The following NRG3 variants were observed in gnomAD, a reference collection of about 807,000 sequenced individuals.
NRG3 encodes neuregulin 3.
A neutral mutation model predicts 66.9 loss-of-function variants in NRG3; 31 were observed. The observed-to-expected ratio is 0.46, with a 90% CI of 0.35 to 0.63. The LOEUF is 0.63. Ranked by LOEUF, NRG3 falls within the 20% of genes least tolerant of loss-of-function variation. The pLI is 0.00. For synonymous variants in NRG3, 393 were observed against 359.4 expected (o/e 1.09, Z -1.06); for missense variants, 910 against 878.9 (o/e 1.04, Z -0.45).
chr10:82,247,969 A>T (rs923089153), intron 1 of NRG3, among the ~76,000 whole-genome samples: 3 of 152,216 alleles, frequency 2.0e-5, no homozygotes, highest in Admixed American at 6.5e-5. Context: ...TAGCAAAGGT[A>T]TCATTTACTT....
intron 3 of NRG3, among the ~76,000 whole-genome samples, chr10:82,801,506 C>G (rs972814679): frequency 2.6e-5 from 4 of 152,132 alleles, no homozygotes; most frequent in Non-Finnish European, 5.9e-5. Context: ...TGAATTACAG[C>G]CATCAAGCTG....
At chr10:82,868,146 C>T (rs185300158) in intron 4 of NRG3, among the ~76,000 whole-genome samples, 17 of 152,206 alleles carry the variant, frequency 1.1e-4, no homozygotes, top group East Asian at 7.7e-4. Flanking sequence ...AATTTTAATC[C>T]GTGTTGAAAG....
intron 3 of NRG3, among the ~76,000 whole-genome samples, chr10:82,792,006 G>A (rs2060607569): frequency 1.3e-5 from 2 of 152,300 alleles, no homozygotes; most frequent in South Asian, 4.1e-4. Context: ...CAGAGCTGGG[G>A]AAAGGGGGAT....
Position 82,707,846 on chromosome 10 carries a change from T to TAAAAAAAA in NRG3, c.954-30712_954-30705dup, listed in dbSNP as rs373670610. On this transcript the variant is annotated intron_variant, in intron 2 of 8. Coordinates refer to ENST00000372141, the MANE Select transcript of NRG3 (RefSeq NM_001010848.4). Reference sequence around the variant, plus strand: ...CAACATGGTGAAACATCATCTCTACTAAAAAAAAAAAAAAAAAAAAAAAAA... The same window carrying TAAAAAAAA: ...CAACATGGTGAAACATCATCTCTACTAAAAAAAAAAAAAAAAAAAAAAAAAAAAAAAAA... 1.5e-4 allele frequency among the ~76,000 whole-genome samples: 12 copies of TAAAAAAAA among 82,652 alleles called. 1 individual carries two copies. The highest frequency in any genetic ancestry group is 2.2e-4 in the Non-Finnish European group (10 of 45,786). 54.2% of individuals were successfully genotyped at this position (82,652 alleles called of 152,430 possible).
intron 1 of NRG3, among the ~76,000 whole-genome samples, chr10:82,244,096 A>T (rs950892681): frequency 6.6e-6 from 1 of 152,208 alleles, no homozygotes; most frequent in African/African-American, 2.4e-5. Flanking sequence ...TGTTCTTTTC[A>T]TCATCAACAG....
chr10:82,456,015 A>G (rs774073319), intron 2 of NRG3, among the ~76,000 whole-genome samples: 3 of 152,102 alleles, frequency 2.0e-5, no homozygotes, highest in Non-Finnish European at 4.4e-5. Flanking sequence ...AAATTGTTTC[A>G]CTTTTTGCCT....
chr10:82,040,094 A>G (rs1054370989), intron 1 of NRG3, among the ~76,000 whole-genome samples: 1 of 152,112 alleles, frequency 6.6e-6, no homozygotes, highest in African/African-American at 2.4e-5. Context: ...TGCACTATGG[A>G]AATAAAAGTT....
intron 3 of NRG3, among the ~76,000 whole-genome samples, chr10:82,802,547 A>G (rs1312818882): frequency 6.6e-6 from 1 of 152,222 alleles, no homozygotes; most frequent in Admixed American, 6.5e-5. Context: ...ATTGATTTCA[A>G]GACAAAAATA....
At chr10:82,906,634 G>A (rs1844759736) in intron 4 of NRG3, among the ~76,000 whole-genome samples, 2 of 152,050 alleles carry the variant, frequency 1.3e-5, no homozygotes, top group Admixed American at 1.3e-4. Flanking sequence ...ATTAAAACAT[G>A]TCCAGTAGGA....
At chr10:82,283,666 G>T (rs1457746838) in intron 1 of NRG3, among the ~76,000 whole-genome samples, 1 of 152,094 alleles carries the variant, frequency 6.6e-6, no homozygotes, top group African/African-American at 2.4e-5. Context: ...TGATGCTTAT[G>T]ATTTTCTCAT....
At chr10:82,237,111 A>G (rs7911859) in intron 1 of NRG3, among the ~76,000 whole-genome samples, 19,473 of 152,192 alleles carry the variant, frequency 0.13, 1,354 homozygotes, top group East Asian at 0.24. Flanking sequence ...TCAGATCCCT[A>G]TGCAGTGGTC....
At chr10:81,918,050 A>G (rs564554265) in intron 1 of NRG3, among the ~76,000 whole-genome samples, 1 of 152,336 alleles carries the variant, frequency 6.6e-6, no homozygotes, top group South Asian at 2.1e-4. Flanking sequence ...ATGCTCAGAA[A>G]ATACAATGGA....
intron 4 of NRG3, among the ~76,000 whole-genome samples, chr10:82,904,976 G>T (rs1026174908): frequency 1.2e-4 from 18 of 152,128 alleles, no homozygotes; most frequent in Non-Finnish European, 2.2e-4. Flanking sequence ...TAAATTTATA[G>T]TATGCCTGAC....
chr10:82,419,006 C>A (rs1327231033), intron 2 of NRG3, among the ~76,000 whole-genome samples: 1 of 152,098 alleles, frequency 6.6e-6, no homozygotes, highest in Non-Finnish European at 1.5e-5. Context: ...ACCAAACCCT[C>A]AAAATTGTAA....
intron 4 of NRG3, among the ~76,000 whole-genome samples, chr10:82,944,447 G>A (rs1436103065): frequency 6.6e-6 from 1 of 152,086 alleles, no homozygotes; most frequent in Non-Finnish European, 1.5e-5. Context: ...TAAGTAAAAT[G>A]GAATTCTTAA....
chr10:82,091,322 C>A (rs939803743), intron 1 of NRG3, among the ~76,000 whole-genome samples: 1 of 152,124 alleles, frequency 6.6e-6, no homozygotes, highest in Admixed American at 6.6e-5. Context: ...TCCTTCTCCT[C>A]CTCCTCATGC....
rs559663180 is a variant in NRG3 at position 82,874,006 on chromosome 10, TA to T, written c.1054+8580del. 8.4e-3 allele frequency among the ~76,000 whole-genome samples: 1,226 copies of T among 145,220 alleles called. 9 individuals are homozygous for T. Among genetic ancestry groups the T allele is most frequent in the African/African-American group, 0.023 (932 of 39,972 alleles). On this transcript the variant is annotated intron_variant, in intron 4 of 8. Transcript: ENST00000372141. The stretch of plus-strand genomic sequence containing the variant: ...AAGATAATCTTTGTATTTTTTAAGT[TA>T]AAAAAAAAAAGAAACAGTGTTTTCC...
At chr10:81,959,944 C>T (rs1332488057) in intron 1 of NRG3, among the ~76,000 whole-genome samples, 1 of 151,852 alleles carries the variant, frequency 6.6e-6, no homozygotes, top group Non-Finnish European at 1.5e-5. Flanking sequence ...CTATTTTTTA[C>T]TTTTCTCACT....
At chr10:82,780,480 C>CTTTTTTTTTTTTTTTTTTTTTCT (rs150086019) in intron 3 of NRG3, among the ~76,000 whole-genome samples, 1 of 106,102 alleles carries the variant, frequency 9.4e-6, no homozygotes, top group African/African-American at 3.5e-5. Flanking sequence ...TTTTTCTTTT[C>CTTTTTTTTTTTTTTTTTTTTTCT]TTTTTTTTTT....
Sources: allele counts gnomAD v4.1 joint callset (sites outside exome capture counted in the v4.1 genomes callset), GRCh38; gene constraint gnomAD v4.1.1; transcripts MANE v1.5; gene names NCBI Gene and HGNC (gene_info 2026-07-23, HGNC 2026-07-21).